PTPRD: variants seen among roughly 807,000 people sequenced by gnomAD.
PTPRD encodes receptor-type tyrosine-protein phosphatase delta.
Under a neutral mutation model 214.5 loss-of-function variants are expected in PTPRD, and 34 were observed. The ratio of observed to expected loss-of-function variants is 0.16; its 90% CI spans 0.12 to 0.21. PTPRD has a LOEUF of 0.21. PTPRD is among the 10% of genes least tolerant of loss of function. The pLI, the probability that PTPRD is intolerant of heterozygous loss-of-function variation, is 1.00. For missense variants in PTPRD, 2,545 were observed against 2,398.7 expected, an observed-to-expected ratio of 1.06 and a Z score of -1.27; for synonymous variants, 1,128 against 845.7, an observed-to-expected ratio of 1.33 and a Z score of -5.79.
intron 2 of PTPRD, among the ~76,000 whole-genome samples, chr9:10,394,286 T>C (rs1924087): frequency 0.52 from 76,829 of 147,752 alleles, 23,804 homozygotes; most frequent in Non-Finnish European, 0.71. Flanking sequence ...AAAATTCTCA[T>C]TTGCCTCAAC....
At chr9:8,835,217 A>C (rs959996909) in intron 11 of PTPRD, among the ~76,000 whole-genome samples, 4 of 152,240 alleles carry the variant, frequency 2.6e-5, no homozygotes, top group African/African-American at 9.6e-5. Context: ...TACCAGCTAT[A>C]GTCAAGATGA....
chr9:8,348,613 A>T (rs571628772), intron 39 of PTPRD, among the ~76,000 whole-genome samples: 1 of 152,140 alleles, frequency 6.6e-6, no homozygotes, highest in Non-Finnish European at 1.5e-5. Context: ...AATTTCATCT[A>T]GATATGCTTT....
intron 3 of PTPRD, among the ~76,000 whole-genome samples, chr9:10,140,476 C>A (rs182245527): frequency 1.3e-5 from 2 of 151,860 alleles, no homozygotes; most frequent in Admixed American, 1.3e-4. Context: ...AACACCTCTA[C>A]GCAAATAAAC....
At chr9:9,957,679 C>A (rs2094038920) in intron 4 of PTPRD, among the ~76,000 whole-genome samples, 1 of 151,938 alleles carries the variant, frequency 6.6e-6, no homozygotes, top group South Asian at 2.1e-4. Flanking sequence ...ATTAGTGATA[C>A]TGACAAATGA....
chr9:8,429,698 G>A lies in PTPRD; in HGVS notation c.4086+6894C>T, dbSNP rs1008323300. 3.3e-5 allele frequency among the ~76,000 whole-genome samples: 5 copies of A among 152,236 alleles called. No individual in the cohort carries two copies. In the South Asian group the frequency reaches 1.0e-3, roughly 32 times the overall value. Reference sequence around the variant, plus strand: ...GAACAGGAAGAAACTCAGCACATGTGGGTGCTGAATGGTGGGAGACATGTG... The same window carrying A: ...GAACAGGAAGAAACTCAGCACATGTAGGTGCTGAATGGTGGGAGACATGTG... On this transcript the variant is annotated intron_variant, in intron 35 of 45. Coordinates refer to ENST00000381196, the MANE Select transcript of PTPRD (RefSeq NM_002839.4).
At chr9:8,728,683 T>C (rs2098616653) in intron 12 of PTPRD, among the ~76,000 whole-genome samples, 1 of 152,204 alleles carries the variant, frequency 6.6e-6, no homozygotes, top group Admixed American at 6.5e-5. Context: ...TCCTATTCCT[T>C]TAAAAAAATG....
chr9:10,403,553 T>C (rs1311312017), intron 2 of PTPRD, among the ~76,000 whole-genome samples: 1 of 151,314 alleles, frequency 6.6e-6, no homozygotes, highest in Non-Finnish European at 1.5e-5. Context: ...AAGGTACACT[T>C]TGGCAGTTTC....
At chr9:8,793,709 G>C (rs1449545601) in intron 11 of PTPRD, among the ~76,000 whole-genome samples, 2 of 152,022 alleles carry the variant, frequency 1.3e-5, no homozygotes, top group South Asian at 2.1e-4. Flanking sequence ...TTTTTAAAAA[G>C]ACAGACAAGA....
intron 11 of PTPRD, among the ~76,000 whole-genome samples, chr9:8,767,661 C>G (rs1555302765): frequency 6.6e-6 from 1 of 152,070 alleles, no homozygotes; most frequent in Non-Finnish European, 1.5e-5. Context: ...CAAACTTGAC[C>G]ATACAATAGA....
intron 3 of PTPRD, among the ~76,000 whole-genome samples, chr9:10,112,733 C>T (rs990390462): frequency 3.9e-5 from 6 of 152,188 alleles, no homozygotes; most frequent in Admixed American, 6.5e-5. Flanking sequence ...AATTTTCTAA[C>T]GAGCCAGAAG....
At chr9:10,399,427 A>C (rs2098232425) in intron 2 of PTPRD, among the ~76,000 whole-genome samples, 1 of 152,030 alleles carries the variant, frequency 6.6e-6, no homozygotes, top group South Asian at 2.1e-4. Flanking sequence ...AAAAAAATCC[A>C]AAACATTTTC....
At chr9:8,785,010 A>C (rs945216407) in intron 11 of PTPRD, among the ~76,000 whole-genome samples, 2 of 152,120 alleles carry the variant, frequency 1.3e-5, no homozygotes, top group Non-Finnish European at 2.9e-5. Context: ...TTGTACCAAC[A>C]TGCTGCACCC....
In PTPRD at chr9:10,410,253, G is replaced by GTATATATATATATATATA. The variant is rs34284610; in HGVS notation, c.-599-69254_-599-69237dup. The stretch of plus-strand genomic sequence containing the variant: ...AGGTAATTAACTGGACATATTTTGT[G>GTATATATATATATATATA]TATATATATATATATATACACACAC... On this transcript the variant is annotated intron_variant, in intron 2 of 45. Coordinates refer to ENST00000381196, the MANE Select transcript of PTPRD (RefSeq NM_002839.4). 6.1e-4 allele frequency among the ~76,000 whole-genome samples: 78 copies of GTATATATATATATATATA among 127,114 alleles called. 1 individual carries two copies. The highest frequency in any genetic ancestry group is 1.3e-3 in the Admixed American group (15 of 11,708). The allele number at this position is 127,114 out of a possible 152,430, so 83.4% of individuals were successfully genotyped here.
chr9:9,651,321 T>C (rs1350608268), intron 7 of PTPRD, among the ~76,000 whole-genome samples: 1 of 152,190 alleles, frequency 6.6e-6, no homozygotes, highest in African/African-American at 2.4e-5. Flanking sequence ...GGGTTTGTTT[T>C]ATAGATTATT....
intron 35 of PTPRD, among the ~76,000 whole-genome samples, chr9:8,419,850 A>G (rs2094229169): frequency 1.3e-5 from 2 of 152,242 alleles, no homozygotes; most frequent in African/African-American, 2.4e-5. Flanking sequence ...AAAGAGAAAC[A>G]TGAGTTTTCC....
At chr9:10,080,047 GA>G (rs2098209246) in intron 3 of PTPRD, among the ~76,000 whole-genome samples, 1 of 151,188 alleles carries the variant, frequency 6.6e-6, no homozygotes, top group East Asian at 2.0e-4. Flanking sequence ...CATAACTTAA[GA>G]GACAACAAAC....
intron 11 of PTPRD, among the ~76,000 whole-genome samples, chr9:8,908,923 T>C (rs1406793607): frequency 6.6e-6 from 1 of 150,626 alleles, no homozygotes; most frequent in Non-Finnish European, 1.5e-5. Flanking sequence ...ATTAAAAGGC[T>C]CATAATTTGA....
chr9:9,243,223 C>T (rs888582905), intron 9 of PTPRD, among the ~76,000 whole-genome samples: 1 of 152,116 alleles, frequency 6.6e-6, no homozygotes, highest in Non-Finnish European at 1.5e-5. Flanking sequence ...CAAGGAGGAG[C>T]TGCTACCATT....
intron 11 of PTPRD, among the ~76,000 whole-genome samples, chr9:8,842,078 G>A (rs183231120): frequency 1.0e-3 from 156 of 150,408 alleles, no homozygotes; most frequent in Non-Finnish European, 1.9e-3. Flanking sequence ...ATAACTTCTT[G>A]TATAACAATG....
Sources: allele counts gnomAD v4.1 joint callset (sites outside exome capture counted in the v4.1 genomes callset), GRCh38; gene constraint gnomAD v4.1.1; transcripts MANE v1.5; gene names NCBI Gene and HGNC (gene_info 2026-07-23, HGNC 2026-07-21).